The following NTRK2 variants were observed in gnomAD, a reference collection of about 807,000 sequenced individuals.
NTRK2 encodes the protein neurotrophic receptor tyrosine kinase 2, also known as BDNF/NT-3 growth factors receptor.
NTRK2 carries 13 observed loss-of-function variants against 94.5 expected under a neutral mutation model. That is an observed-to-expected ratio of 0.14 (90% CI 0.09 to 0.22). The LOEUF (loss-of-function observed/expected upper bound fraction) is 0.22, where lower values mean the gene tolerates loss of function less well. Ranked by LOEUF, NTRK2 falls within the 10% of genes least tolerant of loss-of-function variation. The probability of loss-of-function intolerance (pLI) is 1.00; values close to 1 mark genes in which losing one functional copy is unlikely to be tolerated. For missense variants in NTRK2, 639 were observed against 1,071.2 expected, an observed-to-expected ratio of 0.60 and a Z score of 5.63; for synonymous variants, 372 against 407.4, an observed-to-expected ratio of 0.91 and a Z score of 1.05.
intron 14 of NTRK2, among the ~76,000 whole-genome samples, chr9:84,908,634 T>G (rs543561434): frequency 6.6e-6 from 1 of 152,326 alleles, no homozygotes; most frequent in East Asian, 1.9e-4. Flanking sequence ...GAGCACTTAT[T>G]AAATAGCAGG....
At chr9:84,953,240 C>T (rs1823695260) in intron 16 of NTRK2, among the ~76,000 whole-genome samples, 1 of 152,204 alleles carries the variant, frequency 6.6e-6, no homozygotes, top group South Asian at 2.1e-4. Context: ...AAAAGTAATG[C>T]ACAGAGGATA....
At chr9:84,744,861 G>T (rs924801760) in intron 10 of NTRK2, 112 bp from the exon 11 acceptor site, 25 of 840,104 alleles carry the variant, frequency 3.0e-5, no homozygotes, top group Non-Finnish European at 4.4e-5. Context: ...TCGGGGGTTT[G>T]GAATCTTTGT....
chr9:84,717,929 G>T (rs1422782638), intron 6 of NTRK2, among the ~76,000 whole-genome samples: 1 of 152,136 alleles, frequency 6.6e-6, no homozygotes, highest in African/African-American at 2.4e-5. Context: ...TATAGCAGGA[G>T]TTCTCAGAAC....
chr9:84,730,289 C>T (rs2132116294), intron 9 of NTRK2, among the ~76,000 whole-genome samples: 1 of 152,222 alleles, frequency 6.6e-6, no homozygotes, highest in South Asian at 2.1e-4. Flanking sequence ...ATATAAATGG[C>T]CCTAGTGGGC....
At chr9:84,732,055 T>C (rs1281843350) in intron 9 of NTRK2, among the ~76,000 whole-genome samples, 1 of 152,198 alleles carries the variant, frequency 6.6e-6, no homozygotes, top group African/African-American at 2.4e-5. Context: ...CATTTAAGAA[T>C]TGAACTTAGC....
At chr9:84,944,363 C>T (rs569880798) in intron 15 of NTRK2, among the ~76,000 whole-genome samples, 19 of 151,680 alleles carry the variant, frequency 1.3e-4, no homozygotes, top group South Asian at 1.3e-3. Context: ...CCTGGGTTCA[C>T]GCCATTCTCC....
chr9:84,699,665 T>TG (rs1564079158), intron 2 of NTRK2, among the ~76,000 whole-genome samples: 2 of 144,976 alleles, frequency 1.4e-5, no homozygotes, highest in African/African-American at 2.7e-5. Context: ...ATGTGTGTGT[T>TG]TTTTTTTTTT....
At chr9:84,990,916 A>G (rs1828978504) in intron 17 of NTRK2, among the ~76,000 whole-genome samples, 1 of 152,132 alleles carries the variant, frequency 6.6e-6, no homozygotes, top group Admixed American at 6.5e-5. Context: ...CTCACTGTCA[A>G]TTGCATTTTT....
At chr9:84,786,307 C>A (rs548156666) in intron 12 of NTRK2, among the ~76,000 whole-genome samples, 2 of 152,254 alleles carry the variant, frequency 1.3e-5, no homozygotes, top group East Asian at 3.9e-4. Flanking sequence ...CATGTAATAC[C>A]CTAAACAACC....
intron 12 of NTRK2, among the ~76,000 whole-genome samples, chr9:84,773,017 A>T (rs2066705728): frequency 6.6e-6 from 1 of 152,232 alleles, no homozygotes; most frequent in Admixed American, 6.5e-5. Flanking sequence ...AGAGTGCTAG[A>T]ATGTCTAAAT....
chr9:84,799,485 T>G (rs968403360), intron 12 of NTRK2, among the ~76,000 whole-genome samples: 6 of 152,212 alleles, frequency 3.9e-5, no homozygotes, highest in Non-Finnish European at 1.5e-5. Context: ...TGAGTTTTTG[T>G]CATTATATTC....
At chr9:84,734,370 CTTTCTACCCAGAAATGCTTTTATCTCAG>C (rs2063106605) in intron 9 of NTRK2, among the ~76,000 whole-genome samples, 1 of 152,220 alleles carries the variant, frequency 6.6e-6, no homozygotes, top group Non-Finnish European at 1.5e-5. Flanking sequence ...TAGGGAGCAG[CTTTCTACCCAGAAATGCTTTTATCTCAG>C]ACTAACTCTG....
At chr9:84,937,712 A>G (rs1341252361) in intron 15 of NTRK2, among the ~76,000 whole-genome samples, 1 of 152,236 alleles carries the variant, frequency 6.6e-6, no homozygotes, top group African/African-American at 2.4e-5. Flanking sequence ...GGAGAAGCAG[A>G]GAAACCAGTC....
intron 14 of NTRK2, chr9:84,876,415 T>C: frequency 9.5e-7 from 1 of 1,054,488 alleles, no homozygotes; most frequent in African/African-American, 1.6e-5. Flanking sequence ...TCATGCTCAA[T>C]ACTTACTCCC....
chr9:84,986,818 A>G (rs1260513391), intron 17 of NTRK2, among the ~76,000 whole-genome samples: 1 of 152,238 alleles, frequency 6.6e-6, no homozygotes, highest in Non-Finnish European at 1.5e-5. Context: ...GGAACCCACC[A>G]TTACATTCAC....
chr9:84,901,684 C>A (rs1019893958), intron 14 of NTRK2, among the ~76,000 whole-genome samples: 1 of 152,018 alleles, frequency 6.6e-6, no homozygotes, highest in Non-Finnish European at 1.5e-5. Flanking sequence ...AAATACTGCA[C>A]CTCCTAAAAT....
At chr9:84,994,254 T>C (rs912790512) in intron 17 of NTRK2, among the ~76,000 whole-genome samples, 1 of 152,214 alleles carries the variant, frequency 6.6e-6, no homozygotes, top group Admixed American at 6.5e-5. Context: ...ATTTGATTAA[T>C]AACTCCCCTA....
intron 17 of NTRK2, among the ~76,000 whole-genome samples, chr9:85,018,378 G>T (rs1023266359): frequency 6.6e-6 from 1 of 152,188 alleles, no homozygotes; most frequent in African/African-American, 2.4e-5. Context: ...GTGCCAAAGT[G>T]CCCAGCCTTT....
At chr9:84,727,361 C>T (rs1035404635) in intron 8 of NTRK2, among the ~76,000 whole-genome samples, 1 of 152,128 alleles carries the variant, frequency 6.6e-6, no homozygotes, top group African/African-American at 2.4e-5. Flanking sequence ...TGTCAGAAAT[C>T]TCTTGGATCT....
Sources: allele counts gnomAD v4.1 joint callset (sites outside exome capture counted in the v4.1 genomes callset), GRCh38; gene constraint gnomAD v4.1.1; transcripts MANE v1.5; gene names NCBI Gene and HGNC (gene_info 2026-07-23, HGNC 2026-07-21).